The following HCN4 variants were observed in gnomAD, a reference collection of about 807,000 sequenced individuals.
HCN4 encodes the protein potassium/sodium hyperpolarization-activated cyclic nucleotide-gated channel 4.
Under a neutral mutation model 76.9 loss-of-function variants are expected in HCN4, and 29 were observed. That is an observed-to-expected ratio of 0.38 (90% CI 0.28 to 0.51). HCN4 has a LOEUF of 0.51. Among genes scored for constraint, HCN4 ranks in the 20% least tolerant of loss-of-function variants. The pLI is 0.90. For missense variants in HCN4, 1,416 were observed against 1,715.2 expected, an observed-to-expected ratio of 0.83 and a Z score of 3.08; for synonymous variants, 772 against 762.5, an observed-to-expected ratio of 1.01 and a Z score of -0.21.
chr15:73,336,368 G>A (rs1245987604), intron 2 of HCN4, among the ~76,000 whole-genome samples: 1 of 152,154 alleles, frequency 6.6e-6, no homozygotes, highest in Non-Finnish European at 1.5e-5. Context: ...GCCATCACAA[G>A]GGGCTGTGGA....
At chr15:73,341,757 T>A (rs2043005111) in intron 2 of HCN4, among the ~76,000 whole-genome samples, 1 of 152,136 alleles carries the variant, frequency 6.6e-6, no homozygotes, top group Non-Finnish European at 1.5e-5. Flanking sequence ...TCTGTCAGCA[T>A]AAGTAATGTG....
At chr15:73,346,665 T>C (rs913148831) in intron 1 of HCN4, among the ~76,000 whole-genome samples, 24 of 152,076 alleles carry the variant, frequency 1.6e-4, no homozygotes, top group Non-Finnish European at 2.4e-4. Context: ...TAGAAGGCAA[T>C]TGGCAATGGT....
At chr15:73,339,436 G>A (rs1303937962) in intron 2 of HCN4, among the ~76,000 whole-genome samples, 1 of 152,208 alleles carries the variant, frequency 6.6e-6, no homozygotes. Flanking sequence ...GTGCCAGGCA[G>A]CCTGGGGCAA....
intron 1 of HCN4, among the ~76,000 whole-genome samples, chr15:73,351,350 T>C (rs2043054379): frequency 6.6e-6 from 1 of 152,168 alleles, no homozygotes; most frequent in African/African-American, 2.4e-5. Context: ...TACCCCTCTC[T>C]TGAACTGTAA....
rs1200377039 is a variant in HCN4 at position 73,325,972 on chromosome 15, G to A, written c.1591-528C>T. Among the ~76,000 whole-genome samples the A allele has an allele frequency of 6.6e-6, 1 of 152,160 alleles. No homozygotes were observed. Among genetic ancestry groups the A allele is most frequent in the East Asian group, 1.9e-4 (1 of 5,182 alleles). On this transcript the variant is annotated intron_variant, in intron 4 of 7. Coordinates refer to ENST00000261917, the MANE Select transcript of HCN4 (RefSeq NM_005477.3). This position sits in a 1 kb window ranked among gnomAD's most constrained non-coding sequence, Gnocchi z 7.4. ...AACGTGGCCTCAGCTGAGACCCCGGGTCATTTCGTTGAGAGCAACTCCAGG... is the reference window on the plus strand; with the variant it reads ...AACGTGGCCTCAGCTGAGACCCCGGATCATTTCGTTGAGAGCAACTCCAGG...
Position 73,325,337 on chromosome 15 carries a change from C to G in HCN4, c.1698G>C (p.Glu566Asp), listed in dbSNP as rs777590499. 5 of 1,614,172 alleles carry G rather than the reference C, an allele frequency of 3.1e-6. No homozygotes were observed. The highest frequency in any genetic ancestry group is 4.2e-6 in the Non-Finnish European group (5 of 1,180,012). The change falls in exon 5 of 8, where the codon GAG becomes GAC. Residue 566 changes from glutamate (E) to aspartate (D), a missense_variant. Around this residue, in one of 6 missense-constraint regions of HCN4, gnomAD observed 241 missense variants for 379.4 expected, o/e 0.64. Coordinates refer to ENST00000261917, the MANE Select transcript of HCN4 (RefSeq NM_005477.3). This position sits in a 1 kb window ranked among gnomAD's most constrained non-coding sequence, Gnocchi z 7.4. ...CGCTTAGCTCGCCCAGGATGCTCTC[C>G]TCGTCGAACATCTTGCCCTGGTAGC... ...EHRYQGKMFD[E>D]ESILGELSEP...
chr15:73,334,781 C>T (rs573397), intron 2 of HCN4, among the ~76,000 whole-genome samples: 3 of 151,858 alleles, frequency 2.0e-5, no homozygotes, highest in Non-Finnish European at 4.4e-5. Context: ...TCTGCACACC[C>T]GTCATAGACG....
chr15:73,358,188 C>T (rs968002386), intron 1 of HCN4, among the ~76,000 whole-genome samples: 5 of 152,252 alleles, frequency 3.3e-5, no homozygotes, highest in East Asian at 1.9e-4. Context: ...GGCTCTGGGG[C>T]GGGCCGGCCC....
chr15:73,367,928 TC>T lies in HCN4; in HGVS notation c.342del (p.Ser115AlafsTer117). ...GSRGGGSGGT[G>X]SGSSHGHLHD... Reference sequence around the variant, plus strand: ...TGCAGGTGTCCGTGACTGCTGCCGCTCCCCGTGCCGCCGCTGCCGCCGCCCC... The same window carrying T: ...TGCAGGTGTCCGTGACTGCTGCCGCTCCCGTGCCGCCGCTGCCGCCGCCCC... On this transcript the variant is annotated frameshift_variant, in exon 1 of 8. Coordinates refer to ENST00000261917, the MANE Select transcript of HCN4 (RefSeq NM_005477.3). LOFTEE classifies it high-confidence loss of function. This position sits in a 1 kb window ranked among gnomAD's most constrained non-coding sequence, Gnocchi z 7.5. The T allele has an allele frequency of 1.5e-6, 2 of 1,369,926 alleles. No homozygotes were observed. The allele number at this position is 1,369,926 out of a possible 1,614,324, so 84.9% of individuals were successfully genotyped here. A position where few individuals can be genotyped will look rare whatever the true frequency, so the allele number is the denominator to read the frequency against.
chr15:73,356,116 C>T (rs751565330), intron 1 of HCN4, among the ~76,000 whole-genome samples: 14 of 151,612 alleles, frequency 9.2e-5, no homozygotes, highest in Non-Finnish European at 1.9e-4. Flanking sequence ...CTGCCAGCAG[C>T]GGGAGGAAAC....
Position 73,368,539 on chromosome 15 carries a change from C to T in HCN4, c.-269G>A. 1 of 278,474 alleles carries T rather than the reference C, an allele frequency of 3.6e-6. No homozygotes were observed. Among genetic ancestry groups the T allele is most frequent in the Non-Finnish European group, 6.7e-6 (1 of 148,446 alleles). 17.3% of individuals were successfully genotyped at this position (278,474 alleles called of 1,614,324 possible). A position where few individuals can be genotyped will look rare whatever the true frequency, so the allele number is the denominator to read the frequency against. ...CGCTCCCTTCTTGCCTCCCTCCCTC[C>T]CTCTGGCGTTCAGGGGCGCGGCGCG... On this transcript the variant is annotated 5_prime_UTR_variant, in exon 1 of 8. Transcript: ENST00000261917. The surrounding 1 kb of genome is among the most constrained non-coding windows in gnomAD (Gnocchi z 6.9).
At chr15:73,356,293 C>CG (rs1199622623) in intron 1 of HCN4, among the ~76,000 whole-genome samples, 1 of 150,844 alleles carries the variant, frequency 6.6e-6, no homozygotes, top group Non-Finnish European at 1.5e-5. Flanking sequence ...GCTCAAGCCA[C>CG]GCTCCTGCTT....
intron 1 of HCN4, among the ~76,000 whole-genome samples, chr15:73,356,511 C>G (rs1049523602): frequency 6.6e-6 from 1 of 151,380 alleles, no homozygotes; most frequent in East Asian, 1.9e-4. Flanking sequence ...CAGTGCCTGA[C>G]CCGGGGCAGA....
In HCN4 at chr15:73,323,263, C is replaced by A. The variant is rs777648103; in HGVS notation, c.2830G>T (p.Ala944Ser). Residue 944 changes from alanine to serine, a missense_variant, in exon 8 of 8, where the codon GCG becomes TCG. Transcript: ENST00000261917. The stretch of plus-strand genomic sequence containing the variant: ...AGGCCTCCCCGGGCCCCGGGTGGCG[C>A]GGGAGATGGCTGGGCAGCCTGCGGG... ...RSPQAAQPSP[A>S]PPGARGGLGL... The A allele has an allele frequency of 2.0e-6, 3 of 1,525,148 alleles. No individual in the cohort carries two copies. The highest frequency in any genetic ancestry group is 2.6e-6 in the Non-Finnish European group (3 of 1,135,714). The allele number at this position is 1,525,148 out of a possible 1,614,324, so 94.5% of individuals were successfully genotyped here.
Position 73,322,420 on chromosome 15 carries a change from A to T in HCN4, c.*61T>A. On this transcript the variant is annotated 3_prime_UTR_variant, in exon 8 of 8. Coordinates refer to ENST00000261917, the MANE Select transcript of HCN4 (RefSeq NM_005477.3). The stretch of plus-strand genomic sequence containing the variant: ...ATTGGTATATCTCCTAATCACAGTT[A>T]AACCTGAAGGAAGAAGGAAGGGAGA... The T allele has an allele frequency of 7.5e-7, 1 of 1,339,060 alleles. No individual in the cohort carries two copies. Among genetic ancestry groups the T allele is most frequent in the Non-Finnish European group, 1.0e-6 (1 of 953,950 alleles). The allele number at this position is 1,339,060 out of a possible 1,614,324, so 82.9% of individuals were successfully genotyped here.
At position 73,368,428 on chromosome 15, in the gene HCN4, C is replaced by T; in HGVS notation, c.-158G>A. ...GCCCATGCTTGGGCAGGCTGCGCGC[C>T]GCGGGGAGGATCCTAGTCCCGCTCC... On this transcript the variant is annotated 5_prime_UTR_variant, in exon 1 of 8. Transcript: ENST00000261917. This position sits in a 1 kb window ranked among gnomAD's most constrained non-coding sequence, Gnocchi z 6.9. 1 of 441,944 alleles carries T rather than the reference C, an allele frequency of 2.3e-6. No individual in the cohort carries two copies. Among genetic ancestry groups the T allele is most frequent in the East Asian group, 3.9e-5 (1 of 25,572 alleles). 27.4% of individuals were successfully genotyped at this position (441,944 alleles called of 1,614,324 possible). A position where few individuals can be genotyped will look rare whatever the true frequency, so the allele number is the denominator to read the frequency against.
chr15:73,353,043 T>C lies in HCN4; in HGVS notation c.786-9235A>G, dbSNP rs542957558. Among the ~76,000 whole-genome samples the C allele has an allele frequency of 2.1e-3, 314 of 151,944 alleles. 1 individual carries two copies. Among genetic ancestry groups the C allele is most frequent in the African/African-American group, 7.3e-3 (303 of 41,390 alleles). The stretch of plus-strand genomic sequence containing the variant: ...ATGGATGGATGGATGGATGGATGGA[T>C]GGATGGACGGACGGACGGGAGACTG... On this transcript the variant is annotated intron_variant, in intron 1 of 7. Coordinates refer to ENST00000261917, the MANE Select transcript of HCN4 (RefSeq NM_005477.3).
chr15:73,324,066 C>G (rs767100510), intron 7 of HCN4, 23 bp downstream of exon 7: 14 of 1,611,464 alleles, frequency 8.7e-6, no homozygotes, highest in African/African-American at 1.3e-5. Flanking sequence ...CCACCTGCCC[C>G]GCCTGTGGCC....
Position 73,343,366 on chromosome 15 carries a change from G to T in HCN4, c.1209+19C>A, listed in dbSNP as rs762746976. ...TGGGGAGTGGCCTTTCCCCCAAGAGGTTTGCACTGACCACTTACCTCTTCC... is the reference window on the plus strand; with the variant it reads ...TGGGGAGTGGCCTTTCCCCCAAGAGTTTTGCACTGACCACTTACCTCTTCC... On this transcript the variant is annotated intron_variant, in intron 2 of 7. Coordinates refer to ENST00000261917, the MANE Select transcript of HCN4 (RefSeq NM_005477.3). This position sits in a 1 kb window ranked among gnomAD's most constrained non-coding sequence, Gnocchi z 5.7. 1.4e-5 allele frequency: 23 copies of T among 1,613,108 alleles called. No homozygotes were observed. The highest frequency in any genetic ancestry group is 2.0e-5 in the Non-Finnish European group (23 of 1,179,366).
Sources: allele counts gnomAD v4.1 joint callset (sites outside exome capture counted in the v4.1 genomes callset), GRCh38; gene constraint gnomAD v4.1.1; regional missense constraint gnomAD v4.1.1; non-coding constraint Gnocchi (gnomAD v3.1); transcripts MANE v1.5; gene names NCBI Gene and HGNC (gene_info 2026-07-23, HGNC 2026-07-21).